Variants in PHF19 observed in about 807,000 individuals in gnomAD.
The protein encoded by PHF19 is polycomb like 3.
In PHF19, 21 loss-of-function variants were observed where a neutral mutation model predicts 79.8. That is an observed-to-expected ratio of 0.26 (90% CI 0.19 to 0.38). The LOEUF is 0.38. PHF19 is among the 10% of genes least tolerant of loss of function. The pLI, the probability that PHF19 is intolerant of heterozygous loss-of-function variation, is 1.00. For missense variants in PHF19, 445 were observed against 744.2 expected (o/e 0.60, Z 4.68); for synonymous variants, 273 against 296.3 (o/e 0.92, Z 0.81).
At chr9:120,881,362 TG>T (rs2046181693), upstream of PHF19, among the ~76,000 whole-genome samples, 1 of 152,120 alleles carries the variant, frequency 6.6e-6, no homozygotes, top group Non-Finnish European at 1.5e-5. Context: ...TTAGCCAAGA[TG>T]GTCTTGATCT....
At chr9:120,858,696 C>T (rs1055149501) in intron 14 of PHF19, among the ~76,000 whole-genome samples, 1 of 152,124 alleles carries the variant, frequency 6.6e-6, no homozygotes, top group African/African-American at 2.4e-5. Flanking sequence ...AGAGGCCCTG[C>T]TTATCCCACC....
Position 120,889,000 on chromosome 9 carries a change from G to A in PHF19, c.42+5788C>T, listed in dbSNP as rs529942600. 5.3e-5 allele frequency among the ~76,000 whole-genome samples: 8 copies of A among 152,326 alleles called. No homozygotes were observed. In the East Asian group the frequency reaches 1.5e-3, roughly 29 times the overall value. ...TTCACAGTGATGGTGGCCTTGGGAG[G>A]TGGGTGCTAGTTTTATCCTTCCTCA... On this transcript the variant is annotated intron_variant, in intron 1 of 14. Coordinates refer to the PHF19 transcript ENST00000616568.
chr9:120,877,424 GCCGCCAGCCCCCGCCCGCCC>G, upstream of PHF19: 1 of 911,904 alleles, frequency 1.1e-6, no homozygotes, highest in Non-Finnish European at 1.3e-6. Context: ...GCTCCGCAGC[GCCGCCAGCCCCCGCCCGCCC>G]CCGCCCGCCC....
At chr9:120,867,998 A>G (rs2045754329) in intron 6 of PHF19, among the ~76,000 whole-genome samples, 1 of 152,204 alleles carries the variant, frequency 6.6e-6, no homozygotes, top group South Asian at 2.1e-4. Context: ...TTCCCTCCAC[A>G]GTGGCCCCGA....
chr9:120,887,862 T>A (rs906798937), intron 1 of PHF19, among the ~76,000 whole-genome samples: 2 of 152,198 alleles, frequency 1.3e-5, no homozygotes, highest in African/African-American at 4.8e-5. Flanking sequence ...ACATACCTAG[T>A]GTATCTCCCA....
chr9:120,890,483 T>G (rs549215672), intron 1 of PHF19, among the ~76,000 whole-genome samples: 1 of 152,086 alleles, frequency 6.6e-6, no homozygotes, highest in Non-Finnish European at 1.5e-5. Flanking sequence ...CCACTCGCCC[T>G]GGTGAGGCCA....
chr9:120,863,958 C>T, intron 10 of PHF19, 91 bp downstream of exon 10: 1 of 1,024,512 alleles, frequency 9.8e-7, no homozygotes, highest in Non-Finnish European at 1.5e-6. Context: ...ATCAGAGAGG[C>T]AGGGAGCATA....
chr9:120,869,888 G>A lies in PHF19; in HGVS notation c.422C>T (p.Thr141Ile), dbSNP rs760967702. The stretch of plus-strand genomic sequence containing the variant: ...GATGCAGCGTCGGCAGAACCAAGGT[G>A]TGAGCAGGGGCTGGTCAGCACTGCC... Reference protein sequence around the residue: ...IAGSADQPLLTPWFCRRCIFA... With the variant: ...IAGSADQPLLIPWFCRRCIFA... Residue 141 changes from threonine to isoleucine, a missense_variant, in exon 5 of 15, where the codon ACA (threonine) becomes ATA (isoleucine). Around this residue, in one of 5 missense-constraint regions of PHF19, gnomAD observed 167 missense variants for 375.8 expected, o/e 0.44. Coordinates refer to ENST00000373896, the MANE Select transcript of PHF19 (RefSeq NM_015651.3). This position sits in a 1 kb window ranked among gnomAD's most constrained non-coding sequence, Gnocchi z 5.8. 1.2e-6 allele frequency: 2 copies of A among 1,607,176 alleles called. No individual in the cohort carries two copies. Among genetic ancestry groups the A allele is most frequent in the Admixed American group, 1.7e-5 (1 of 59,000 alleles).
intron 1 of PHF19, among the ~76,000 whole-genome samples, chr9:120,887,900 G>C (rs1013845339): frequency 6.6e-6 from 1 of 152,100 alleles, no homozygotes; most frequent in Non-Finnish European, 1.5e-5. Flanking sequence ...GGGACTGACC[G>C]ACCCACCTTC....
chr9:120,857,599 G>C lies in PHF19; in HGVS notation c.*345C>G, dbSNP rs1056043968. On this transcript the variant is annotated 3_prime_UTR_variant, in exon 15 of 15. Coordinates refer to ENST00000373896, the MANE Select transcript of PHF19 (RefSeq NM_015651.3). ...CGAACACACCCAGAAAGGGGCGAGAGAGGTCAAGGCACACAACTGGGGACA... is the reference window on the plus strand; with the variant it reads ...CGAACACACCCAGAAAGGGGCGAGACAGGTCAAGGCACACAACTGGGGACA... The C allele has an allele frequency of 4.2e-6, 1 of 235,554 alleles. No homozygotes were observed. Among genetic ancestry groups the C allele is most frequent in the African/African-American group, 2.2e-5 (1 of 44,556 alleles). 14.6% of individuals were successfully genotyped at this position (235,554 alleles called of 1,614,324 possible). A position where few individuals can be genotyped will look rare whatever the true frequency, so the allele number is the denominator to read the frequency against.
At chr9:120,867,229 A>G (rs1266990505) in intron 6 of PHF19, among the ~76,000 whole-genome samples, 1 of 152,202 alleles carries the variant, frequency 6.6e-6, no homozygotes, top group East Asian at 1.9e-4. Context: ...CTCACAGGCA[A>G]GTGGAGGATG....
intron 13 of PHF19, 47 bp downstream of exon 13, chr9:120,861,042 C>A: frequency 9.1e-7 from 1 of 1,097,920 alleles, no homozygotes; most frequent in South Asian, 1.2e-5. Flanking sequence ...GCTTGGTTCC[C>A]TCCCTGTCTC....
At chr9:120,898,007 T>G (rs2131607520), upstream of PHF19, among the ~76,000 whole-genome samples, 1 of 150,142 alleles carries the variant, frequency 6.7e-6, no homozygotes, top group South Asian at 2.1e-4. Context: ...AAAGAAATAT[T>G]AAATTCTCTT....
In PHF19 at chr9:120,891,177, G is replaced by A. The variant is rs1044574312; in HGVS notation, c.42+3611C>T. 2.0e-5 allele frequency among the ~76,000 whole-genome samples: 3 copies of A among 152,068 alleles called. No individual in the cohort carries two copies. The highest frequency in any genetic ancestry group is 2.9e-5 in the Non-Finnish European group (2 of 68,008). On this transcript the variant is annotated intron_variant, in intron 1 of 14. Transcript: ENST00000616568. This position sits in a 1 kb window ranked among gnomAD's most constrained non-coding sequence, Gnocchi z 4.3. ...GGTATCCCTGCTCATGCCCCAGAGC[G>A]CCTGGGTTTCTGCTCATCACAGTTA...
Position 120,861,111 on chromosome 9 carries a change from C to G in PHF19, c.1282G>C (p.Asp428His). Residue 428 changes from aspartate to histidine, a missense_variant, in exon 13 of 15, where the codon GAT becomes CAT. Around this residue, in one of 5 missense-constraint regions of PHF19, gnomAD observed 125 missense variants for 180.5 expected, o/e 0.69. Transcript: ENST00000373896. ...HLASIFDFTL[D>H]EIQSLKSASS... ...TACCTTTTTAAACTTTGAATTTCAT[C>G]CAGCGTGAAGTCAAATATGCTAGCC... 1.2e-6 allele frequency: 2 copies of G among 1,607,724 alleles called. No homozygotes were observed. Among genetic ancestry groups the G allele is most frequent in the Non-Finnish European group, 1.7e-6 (2 of 1,174,136 alleles).
rs1425742807 is a variant in PHF19 at position 120,869,723 on chromosome 9, T to C, written c.465+122A>G. On this transcript the variant is annotated intron_variant, in intron 5 of 14. Coordinates refer to ENST00000373896, the MANE Select transcript of PHF19 (RefSeq NM_015651.3). The surrounding 1 kb of genome is among the most constrained non-coding windows in gnomAD (Gnocchi z 5.8). ...GCCAAGGACAGTGGCAGAGGCGCTA[T>C]CTGTCTCCAAAGCCCAGGTGTGGCC... 6.4e-7 allele frequency: 1 copy of C among 1,563,744 alleles called. No homozygotes were observed. The highest frequency in any genetic ancestry group is 1.4e-5 in the African/African-American group (1 of 73,844).
chr9:120,878,633 G>A (rs2046129553), upstream of PHF19, among the ~76,000 whole-genome samples: 1 of 152,128 alleles, frequency 6.6e-6, no homozygotes. Flanking sequence ...AGAGATCCAG[G>A]AGTCCTTTCA....
chr9:120,904,021 G>T, the PHF19 span: 4 of 152,244 alleles, frequency 2.6e-5, no homozygotes, highest in African/African-American at 9.6e-5. Context: ...TGGCTTGGAG[G>T]TCCTGATCAG....
intron 1 of PHF19, among the ~76,000 whole-genome samples, chr9:120,882,684 A>G (rs534306716): frequency 6.6e-6 from 1 of 152,194 alleles, no homozygotes; most frequent in Non-Finnish European, 1.5e-5. Context: ...TTTACTAAAA[A>G]TACAAAAATT....
Sources: gnomAD v4.1 joint callset for allele counts (sites outside exome capture counted in the v4.1 genomes callset) on GRCh38, gnomAD v4.1.1 for gene constraint, gnomAD v4.1.1 regional missense constraint, Gnocchi (gnomAD v3.1) non-coding constraint, MANE v1.5 for transcripts, NCBI Gene and HGNC (gene_info 2026-07-23, HGNC 2026-07-21) for gene names.